Variants in UPF2 observed in about 807,000 individuals in gnomAD.
The protein encoded by UPF2 is regulator of nonsense transcripts 2.
UPF2 carries 17 observed loss-of-function variants against 141.4 expected under a neutral mutation model. The ratio of observed to expected loss-of-function variants is 0.12; its 90% confidence interval spans 0.08 to 0.18. The LOEUF is 0.18. UPF2 is among the 10% of genes least tolerant of loss of function. UPF2 has a pLI of 1.00. For missense variants in UPF2, 1,152 were observed against 1,515.9 expected (o/e 0.76, Z 3.99); for synonymous variants, 540 against 498.0 (o/e 1.08, Z -1.12).
At chr10:12,032,755 A>C (rs1388210563) in intron 2 of UPF2, among the ~76,000 whole-genome samples, 1 of 150,116 alleles carries the variant, frequency 6.7e-6, no homozygotes, top group Non-Finnish European at 1.5e-5. Flanking sequence ...AAAAAAAAAG[A>C]CTCTCTTAAG....
chr10:11,969,019 C>G (rs920055933), intron 9 of UPF2, among the ~76,000 whole-genome samples: 6 of 152,076 alleles, frequency 3.9e-5, no homozygotes, highest in Admixed American at 6.6e-5. Context: ...TGCCATCATG[C>G]CCGGCTAAAT....
At chr10:11,984,112 G>C (rs549013335) in intron 8 of UPF2, among the ~76,000 whole-genome samples, 1 of 151,906 alleles carries the variant, frequency 6.6e-6, no homozygotes, top group Non-Finnish European at 1.5e-5. Context: ...TAGTAGAGAC[G>C]GGGTTTCTCC....
chr10:11,928,747 T>A (rs752550879), intron 21 of UPF2: 5 of 331,704 alleles, frequency 1.5e-5, no homozygotes, highest in Middle Eastern at 4.1e-4. Flanking sequence ...AGAGGTCTTA[T>A]TAGGGAACAT....
chr10:12,010,956 C>A (rs1435156930), intron 4 of UPF2, among the ~76,000 whole-genome samples: 2 of 151,812 alleles, frequency 1.3e-5, no homozygotes, highest in Non-Finnish European at 2.9e-5. Flanking sequence ...GAAAAAAAAA[C>A]TCTTGCCCTT....
intron 1 of UPF2, 151 bp from the exon 2 acceptor site, chr10:12,035,592 A>G: frequency 2.4e-6 from 2 of 818,300 alleles, no homozygotes; most frequent in Non-Finnish European, 3.5e-6. Context: ...TCTGTTACAA[A>G]ATAAGTTATT....
In UPF2 at chr10:11,994,926, A is replaced by C. The variant is rs1427393220; in HGVS notation, c.1844+2746T>G. 3.7e-5 allele frequency among the ~76,000 whole-genome samples: 5 copies of C among 135,128 alleles called. No homozygotes were observed. The Admixed American group carries it at 4.4e-4, about 12-fold the overall frequency. 88.6% of individuals were successfully genotyped at this position (135,128 alleles called of 152,430 possible). A position where few individuals can be genotyped will look rare whatever the true frequency, so the allele number is the denominator to read the frequency against. On this transcript the variant is annotated intron_variant, in intron 8 of 21. Transcript: ENST00000357604. ...GGGAGGCAGAGCTTGCAGTGAGCCG[A>C]GATCGCGCCACTGCACTCCAGCCTG...
At chr10:12,009,730 AAT>A (rs57607069) in intron 4 of UPF2, among the ~76,000 whole-genome samples, 330 of 152,308 alleles carry the variant, frequency 2.2e-3, no homozygotes, top group African/African-American at 7.6e-3. Flanking sequence ...AGGGTCTGGT[AAT>A]ACTCTACCCA....
Position 11,992,644 on chromosome 10 carries a change from G to A in UPF2, c.1844+5028C>T, listed in dbSNP as rs1278378301. On this transcript the variant is annotated intron_variant, in intron 8 of 21. Coordinates refer to ENST00000357604, the MANE Select transcript of UPF2 (RefSeq NM_015542.4). The surrounding 1 kb of genome is among the most constrained non-coding windows in gnomAD (Gnocchi z 4.1). ...GACTTTTAGGAATTAAACCAAAAAGGAAAATATTACAGAACTCAAGCCAAT... is the reference window on the plus strand; with the variant it reads ...GACTTTTAGGAATTAAACCAAAAAGAAAAATATTACAGAACTCAAGCCAAT... Among the ~76,000 whole-genome samples the A allele has an allele frequency of 6.6e-6, 1 of 151,920 alleles. No individual in the cohort carries two copies. Among genetic ancestry groups the A allele is most frequent in the African/African-American group, 2.4e-5 (1 of 41,342 alleles).
At chr10:11,971,677 A>G (rs1833420573) in intron 9 of UPF2, among the ~76,000 whole-genome samples, 1 of 152,238 alleles carries the variant, frequency 6.6e-6, no homozygotes, top group East Asian at 1.9e-4. Flanking sequence ...TTACTTATAT[A>G]ATCAATCATC....
Position 12,042,167 on chromosome 10 carries a change from G to A in UPF2, c.-19+588C>T, listed in dbSNP as rs939162001. 2.1e-5 allele frequency among the ~76,000 whole-genome samples: 3 copies of A among 146,022 alleles called. No individual in the cohort carries two copies. Among genetic ancestry groups the A allele is most frequent in the Non-Finnish European group, 4.5e-5 (3 of 67,010 alleles). ...ACACATACCTCTCCTACAAACCCCT[G>A]CTCTGGTGGTGTAGGAACCTCTAAA... On this transcript the variant is annotated intron_variant, in intron 1 of 21. Transcript: ENST00000357604. The surrounding 1 kb of genome is among the most constrained non-coding windows in gnomAD (Gnocchi z 5.5).
Position 11,979,748 on chromosome 10 carries a change from TA to T in UPF2, c.1845-584del, listed in dbSNP as rs1461408390. ...GGTGAAACCCCGTCTCTACTAAAAA[TA>T]AAAAAATTAGACAGGTATGGTGGCA... On this transcript the variant is annotated intron_variant, in intron 8 of 21. Coordinates refer to ENST00000357604, the MANE Select transcript of UPF2 (RefSeq NM_015542.4). This position sits in a 1 kb window ranked among gnomAD's most constrained non-coding sequence, Gnocchi z 6.2. Among the ~76,000 whole-genome samples, 1 of 151,904 alleles carries T rather than the reference TA, an allele frequency of 6.6e-6. No homozygotes were observed. Among genetic ancestry groups the T allele is most frequent in the Non-Finnish European group, 1.5e-5 (1 of 67,978 alleles).
chr10:12,017,196 C>G (rs1230456944), intron 3 of UPF2, among the ~76,000 whole-genome samples: 1 of 151,902 alleles, frequency 6.6e-6, no homozygotes, highest in Non-Finnish European at 1.5e-5. Context: ...ATTTCAAAAC[C>G]CCTAATGACA....
At chr10:11,996,971 T>C (rs1833873691) in intron 8 of UPF2, among the ~76,000 whole-genome samples, 1 of 152,218 alleles carries the variant, frequency 6.6e-6, no homozygotes, top group Non-Finnish European at 1.5e-5. Context: ...ATGTCATATG[T>C]AATCATCTTA....
rs1832834190 is a variant in UPF2 at position 11,935,186 on chromosome 10, C to T, written c.3546+1359G>A. On this transcript the variant is annotated intron_variant, in intron 19 of 21. Transcript: ENST00000357604. This position sits in a 1 kb window ranked among gnomAD's most constrained non-coding sequence, Gnocchi z 4.9. The stretch of plus-strand genomic sequence containing the variant: ...CTCCCTCTCCTGGCATCTCACCATC[C>T]GTGTCTCTTTCTATCCTCTTACCCT... 1.3e-5 allele frequency among the ~76,000 whole-genome samples: 2 copies of T among 152,062 alleles called. No individual in the cohort carries two copies. The highest frequency in any genetic ancestry group is 2.4e-5 in the African/African-American group (1 of 41,406).
rs563705358 is a variant in UPF2 at position 12,039,689 on chromosome 10, C to T, written c.-19+3066G>A. ...AGGCTGGAGTGCAGTGGCACGATCT[C>T]GGCTCACCACAACCTCTGCCACCCG... On this transcript the variant is annotated intron_variant, in intron 1 of 21. Coordinates refer to ENST00000357604, the MANE Select transcript of UPF2 (RefSeq NM_015542.4). Among the ~76,000 whole-genome samples, 326 of 150,074 alleles carry T rather than the reference C, an allele frequency of 2.2e-3. 2 individuals are homozygous for T. Among genetic ancestry groups the T allele is most frequent in the African/African-American group, 7.7e-3 (313 of 40,626 alleles).
intron 14 of UPF2, 79 bp downstream of exon 14, chr10:11,955,153 G>A (rs1053047459): frequency 1.5e-5 from 20 of 1,328,976 alleles, no homozygotes; most frequent in East Asian, 1.5e-4. Context: ...ATACCATAAC[G>A]TTTCTTCTCT....
chr10:12,012,558 G>A (rs989747251), intron 4 of UPF2, among the ~76,000 whole-genome samples: 9 of 151,010 alleles, frequency 6.0e-5, no homozygotes, highest in African/African-American at 1.7e-4. Context: ...GGTGTACCTC[G>A]GCCCACAGCC....
intron 1 of UPF2, among the ~76,000 whole-genome samples, chr10:12,039,267 T>G (rs142562696): frequency 6.6e-6 from 1 of 152,164 alleles, no homozygotes; most frequent in African/African-American, 2.4e-5. Context: ...GAACCCATTC[T>G]CTGAACCAAA....
chr10:11,920,897 C>A lies in UPF2; in HGVS notation c.*401G>T. 4.7e-6 allele frequency: 2 copies of A among 422,148 alleles called. No individual in the cohort carries two copies. Among genetic ancestry groups the A allele is most frequent in the South Asian group, 3.5e-5 (2 of 57,074 alleles). The allele number at this position is 422,148 out of a possible 1,614,324, so 26.2% of individuals were successfully genotyped here. A position where few individuals can be genotyped will look rare whatever the true frequency, so the allele number is the denominator to read the frequency against. On this transcript the variant is annotated 3_prime_UTR_variant, in exon 22 of 22. Coordinates refer to ENST00000357604, the MANE Select transcript of UPF2 (RefSeq NM_015542.4). ...TGTTCAATTCAGAGACACTGAAACT[C>A]AAATCAAGTTTAAAGCTCAAGTTCA...
Sources: gnomAD v4.1 joint callset for allele counts (sites outside exome capture counted in the v4.1 genomes callset) on GRCh38, gnomAD v4.1.1 for gene constraint, Gnocchi (gnomAD v3.1) non-coding constraint, MANE v1.5 for transcripts, NCBI Gene and HGNC (gene_info 2026-07-23, HGNC 2026-07-21) for gene names.